Variants in DCBLD1 observed in about 807,000 individuals in gnomAD.
DCBLD1 encodes the protein discoidin, CUB and LCCL domain-containing protein 1.
A neutral mutation model predicts 71.5 loss-of-function variants in DCBLD1; 57 were observed. The observed-to-expected ratio is 0.80, with a 90% CI of 0.64 to 0.99. DCBLD1 has a LOEUF of 0.99. Ranked by LOEUF, DCBLD1 falls within the 50% of genes least tolerant of loss-of-function variation. The pLI, the probability that DCBLD1 is intolerant of heterozygous loss-of-function variation, is 0.00. For missense variants in DCBLD1, 891 were observed against 923.5 expected, an observed-to-expected ratio of 0.96 and a Z score of 0.46; for synonymous variants, 380 against 363.8, an observed-to-expected ratio of 1.04 and a Z score of -0.51.
At chr6:117,508,111 T>G (rs1479738385) in intron 2 of DCBLD1, 1 of 152,196 alleles carries the variant, frequency 6.6e-6, no homozygotes, top group African/African-American at 2.4e-5. Flanking sequence ...TATAAGGTGT[T>G]GCCTTTTTGT....
chr6:117,501,150 A>G (rs569294857), intron 1 of DCBLD1, among the ~76,000 whole-genome samples: 4 of 152,164 alleles, frequency 2.6e-5, no homozygotes, highest in Non-Finnish European at 5.9e-5. Context: ...TGTACTAATT[A>G]CCCTAGGATT....
intron 4 of DCBLD1, among the ~76,000 whole-genome samples, chr6:117,523,212 G>A (rs754655638): frequency 2.2e-4 from 33 of 152,082 alleles, no homozygotes; most frequent in Non-Finnish European, 4.3e-4. Flanking sequence ...TGGCATTATG[G>A]TGCCAGATTA....
In DCBLD1 at chr6:117,537,477, T is replaced by C. The variant is rs1439163225; in HGVS notation, c.760+252T>C. Among the ~76,000 whole-genome samples the C allele has an allele frequency of 2.7e-5, 4 of 149,396 alleles. No individual in the cohort carries two copies. In the Admixed American group the frequency reaches 2.7e-4, roughly 10 times the overall value. On this transcript the variant is annotated intron_variant, in intron 7 of 14. Coordinates refer to ENST00000338728, the MANE Select transcript of DCBLD1 (RefSeq NM_001366458.2). ...TGAACCCGGGAGGCGGAGCTTGCAG[T>C]GAGCTGAGATTGCGCCACTGCACTC...
chr6:117,492,589 C>T (rs1777330250), intron 1 of DCBLD1, among the ~76,000 whole-genome samples: 1 of 152,108 alleles, frequency 6.6e-6, no homozygotes, highest in Non-Finnish European at 1.5e-5. Context: ...TCACATTTGC[C>T]ATAGAAATAT....
chr6:117,493,888 T>A (rs1448335878), intron 1 of DCBLD1, among the ~76,000 whole-genome samples: 3 of 152,186 alleles, frequency 2.0e-5, no homozygotes, highest in African/African-American at 7.2e-5. Context: ...GTATAGGAGA[T>A]GTCCTATCTT....
intron 3 of DCBLD1, 124 bp from the exon 4 acceptor site, chr6:117,521,401 T>A: frequency 2.6e-6 from 2 of 755,872 alleles, no homozygotes; most frequent in Non-Finnish European, 4.1e-6. Context: ...AAAGGAAAAT[T>A]CTGATAACTA....
At chr6:117,499,240 C>CAA (rs71012362) in intron 1 of DCBLD1, among the ~76,000 whole-genome samples, 3 of 108,752 alleles carry the variant, frequency 2.8e-5, no homozygotes, top group Admixed American at 1.9e-4. Flanking sequence ...CCATCTCTAC[C>CAA]AAAAAAAAAA....
intron 1 of DCBLD1, among the ~76,000 whole-genome samples, chr6:117,492,987 A>G (rs953049972): frequency 1.1e-4 from 17 of 152,226 alleles, no homozygotes; most frequent in Non-Finnish European, 2.2e-4. Context: ...TGGCTTAACT[A>G]TAGATCGTGG....
chr6:117,548,930 T>C lies in DCBLD1; in HGVS notation c.*491T>C. 2.0e-6 allele frequency: 2 copies of C among 990,320 alleles called. No homozygotes were observed. Among genetic ancestry groups the C allele is most frequent in the East Asian group, 1.1e-4 (1 of 8,846 alleles). 61.3% of individuals were successfully genotyped at this position (990,320 alleles called of 1,614,324 possible). ...GCAGGTCTGCTTAAACCTAGTCTTG[T>C]TGTTATTGAGTCATTTCCTCTCCTT... On this transcript the variant is annotated 3_prime_UTR_variant, in exon 15 of 15. Coordinates refer to ENST00000338728, the MANE Select transcript of DCBLD1 (RefSeq NM_001366458.2).
At chr6:117,495,603 G>A (rs1320883615) in intron 1 of DCBLD1, among the ~76,000 whole-genome samples, 3 of 152,116 alleles carry the variant, frequency 2.0e-5, no homozygotes, top group African/African-American at 7.2e-5. Context: ...AATCCAGGTT[G>A]TAACCATTAT....
intron 5 of DCBLD1, among the ~76,000 whole-genome samples, chr6:117,525,967 A>G (rs753550318): frequency 2.6e-4 from 39 of 152,200 alleles, no homozygotes; most frequent in Non-Finnish European, 5.6e-4. Flanking sequence ...TTCTATTTAC[A>G]GAAATCTAGT....
chr6:117,489,263 C>G (rs1003515238), intron 1 of DCBLD1, among the ~76,000 whole-genome samples: 1 of 152,116 alleles, frequency 6.6e-6, no homozygotes, highest in African/African-American at 2.4e-5. Flanking sequence ...GAGACATGCT[C>G]TTAACCATCC....
At chr6:117,515,450 A>G (rs557518602) in intron 2 of DCBLD1, among the ~76,000 whole-genome samples, 18 of 152,326 alleles carry the variant, frequency 1.2e-4, no homozygotes, top group Admixed American at 6.5e-5. Flanking sequence ...AAAATATTCT[A>G]ACTTATTAAA....
intron 8 of DCBLD1, 172 bp downstream of exon 8, chr6:117,539,007 A>G: frequency 3.7e-6 from 3 of 802,362 alleles, no homozygotes; most frequent in Non-Finnish European, 5.8e-6. Flanking sequence ...AAGAATCTGT[A>G]TGCAAGTTGT....
chr6:117,512,625 C>T (rs1479827338), intron 2 of DCBLD1, among the ~76,000 whole-genome samples: 2 of 152,210 alleles, frequency 1.3e-5, no homozygotes, highest in Admixed American at 1.3e-4. Context: ...AGAAGTACCA[C>T]TCGCCTGGCA....
Position 117,521,568 on chromosome 6 carries a change from A to G in DCBLD1, c.504A>G (p.Thr168=). The G allele has an allele frequency of 6.4e-7, 1 of 1,565,750 alleles. No individual in the cohort carries two copies. The highest frequency in any genetic ancestry group is 8.6e-7 in the Non-Finnish European group (1 of 1,165,580). The part of the protein sequence containing the change: ...CLERASHYLK[T]EYSKFCPAGC... ...AACGAGCTAGCCATTATTTGAAGAC[A>G]GAATACAGGTAAGTATAGGTATCCT... is the stretch of plus-strand genomic sequence containing the variant. Residue 168 remains threonine, a synonymous_variant, in exon 4 of 15, where the codon ACA becomes ACG. Transcript: ENST00000338728.
intron 14 of DCBLD1, chr6:117,569,456 C>T (rs917625680): frequency 1.5e-6 from 2 of 1,350,690 alleles, no homozygotes; most frequent in Non-Finnish European, 2.0e-6. Flanking sequence ...TCAAAGGAAA[C>T]AAGAACTATG....
chr6:117,521,503 C>T, intron 3 of DCBLD1, 22 bp from the exon 4 acceptor site: 1 of 1,554,942 alleles, frequency 6.4e-7, no homozygotes, highest in East Asian at 2.3e-5. Context: ...CTATTAATTG[C>T]AATTATCTTT....
In DCBLD1 at chr6:117,521,587, G is replaced by C; in HGVS notation, c.512+11G>C. The C allele has an allele frequency of 6.4e-7, 1 of 1,557,518 alleles. No individual in the cohort carries two copies. Among genetic ancestry groups the C allele is most frequent in the Non-Finnish European group, 8.6e-7 (1 of 1,160,572 alleles). On this transcript the variant is annotated intron_variant, in intron 4 of 14. Coordinates refer to ENST00000338728, the MANE Select transcript of DCBLD1 (RefSeq NM_001366458.2). ...GAAGACAGAATACAGGTAAGTATAG[G>C]TATCCTAACTGTGTTGCAGTCGTGT...
Sources: allele counts gnomAD v4.1 joint callset (sites outside exome capture counted in the v4.1 genomes callset), GRCh38; gene constraint gnomAD v4.1.1; transcripts MANE v1.5; gene names NCBI Gene and HGNC (gene_info 2026-07-23, HGNC 2026-07-21).